The following LASP1 variants were observed in gnomAD, a reference collection of about 807,000 sequenced individuals.
LASP1 encodes the protein LIM and SH3 domain protein 1.
A neutral mutation model predicts 38.6 loss-of-function variants in LASP1; 10 were observed. That is an observed-to-expected ratio of 0.26 (90% CI 0.16 to 0.44). The LOEUF is 0.44. Among genes scored for constraint, LASP1 ranks in the 20% least tolerant of loss-of-function variants. LASP1 has a pLI of 1.00. For synonymous variants in LASP1, 132 were observed against 140.8 expected (o/e 0.94, Z 0.44); for missense variants, 243 against 375.7 (o/e 0.65, Z 2.92).
chr17:38,897,684 T>A (rs1413536888), intron 3 of LASP1, among the ~76,000 whole-genome samples: 1 of 152,174 alleles, frequency 6.6e-6, no homozygotes, highest in Non-Finnish European at 1.5e-5. Context: ...TGAGATGCTG[T>A]CTGACCCCCG....
intron 3 of LASP1, among the ~76,000 whole-genome samples, chr17:38,891,170 C>T (rs1478663095): frequency 6.7e-6 from 1 of 149,490 alleles, no homozygotes; most frequent in Admixed American, 6.6e-5. Context: ...TGCGAGGGCT[C>T]CTGGGACAAA....
At chr17:38,914,039 G>A in intron 4 of LASP1, among the ~76,000 whole-genome samples, 1 of 151,802 alleles carries the variant, frequency 6.6e-6, no homozygotes. Flanking sequence ...ACTCACTTTG[G>A]TCTGATTCTT....
intron 4 of LASP1, among the ~76,000 whole-genome samples, chr17:38,912,829 G>T (rs1914994338): frequency 2.0e-5 from 3 of 152,206 alleles, no homozygotes; most frequent in Non-Finnish European, 4.4e-5. Flanking sequence ...TTGGCTAAGA[G>T]GACTGAGCTG....
intron 5 of LASP1, 175 bp from the exon 6 acceptor site, chr17:38,914,868 G>T: frequency 6.3e-6 from 4 of 638,584 alleles, no homozygotes. Context: ...CAGAGCCCCT[G>T]CGTGGGATAC....
chr17:38,899,932 G>T (rs995803422), intron 4 of LASP1, among the ~76,000 whole-genome samples: 5 of 151,782 alleles, frequency 3.3e-5, no homozygotes, highest in African/African-American at 1.2e-4. Flanking sequence ...GTTTCACCAT[G>T]TTGGCCAGGC....
chr17:38,906,798 A>C (rs80062095), intron 4 of LASP1, among the ~76,000 whole-genome samples: 1,592 of 152,262 alleles, frequency 0.01, 26 homozygotes, highest in African/African-American at 0.036. Context: ...GTCATCCTGG[A>C]GTCCCAGCTA....
At chr17:38,878,355 T>G (rs1913843982) in intron 2 of LASP1, among the ~76,000 whole-genome samples, 175 bp downstream of exon 2, 1 of 152,176 alleles carries the variant, frequency 6.6e-6, no homozygotes, top group Admixed American at 6.5e-5. Flanking sequence ...TTTATCCCCA[T>G]TTAAAGTGCT....
intron 2 of LASP1, among the ~76,000 whole-genome samples, chr17:38,883,013 TG>T (rs1467261364): frequency 6.6e-6 from 1 of 152,088 alleles, no homozygotes; most frequent in East Asian, 1.9e-4. Flanking sequence ...AGGCATCAGA[TG>T]GGAGTAGGGT....
At chr17:38,897,700 T>C (rs1214766922) in intron 3 of LASP1, among the ~76,000 whole-genome samples, 1 of 152,152 alleles carries the variant, frequency 6.6e-6, no homozygotes, top group Admixed American at 6.5e-5. Context: ...CCCCGCTGCT[T>C]TCCTCCCCTC....
At chr17:38,899,085 G>A (rs1474566074) in intron 4 of LASP1, 1 of 319,860 alleles carries the variant, frequency 3.1e-6, no homozygotes, top group African/African-American at 2.2e-5. Flanking sequence ...CATGGAGAGT[G>A]GGCAGGGGAT....
At chr17:38,877,992 G>C in intron 1 of LASP1, 94 bp from the exon 2 acceptor site, 1 of 899,422 alleles carries the variant, frequency 1.1e-6, no homozygotes. Context: ...GCCTAGGACA[G>C]TCCCAGCAGC....
At chr17:38,899,747 C>CTTTTTTT (rs34397105) in intron 4 of LASP1, among the ~76,000 whole-genome samples, 2 of 136,132 alleles carry the variant, frequency 1.5e-5, no homozygotes. Context: ...GCGTTCAGAT[C>CTTTTTTT]TTTTTTTTTT....
chr17:38,918,958 C>A lies in LASP1; in HGVS notation c.*180C>A. The A allele has an allele frequency of 1.5e-6, 1 of 682,254 alleles. No individual in the cohort carries two copies. The highest frequency in any genetic ancestry group is 2.4e-6 in the Non-Finnish European group (1 of 408,490). 42.3% of individuals were successfully genotyped at this position (682,254 alleles called of 1,614,324 possible). ...CTTCTGCCACTTCTGCGGGCTCCCTCCTCTGGCAGGCTTCCCCCTTGATCG... is the reference window on the plus strand; with the variant it reads ...CTTCTGCCACTTCTGCGGGCTCCCTACTCTGGCAGGCTTCCCCCTTGATCG... On this transcript the variant is annotated 3_prime_UTR_variant, in exon 7 of 7. Transcript: ENST00000318008. This position sits in a 1 kb window ranked among gnomAD's most constrained non-coding sequence, Gnocchi z 4.4.
chr17:38,885,455 C>A (rs2143754529), intron 2 of LASP1, among the ~76,000 whole-genome samples: 1 of 152,334 alleles, frequency 6.6e-6, no homozygotes, highest in South Asian at 2.1e-4. Flanking sequence ...TCCTGCCCCG[C>A]TTCTTCCTGT....
At chr17:38,885,326 A>G (rs1234324895) in intron 2 of LASP1, among the ~76,000 whole-genome samples, 2 of 152,208 alleles carry the variant, frequency 1.3e-5, no homozygotes, top group Non-Finnish European at 2.9e-5. Context: ...TTGAGAGAGA[A>G]TGTGCACAGG....
In LASP1 at chr17:38,918,997, C is replaced by G; in HGVS notation, c.*219C>G. The G allele has an allele frequency of 1.7e-6, 1 of 602,248 alleles. No homozygotes were observed. The highest frequency in any genetic ancestry group is 3.0e-5 in the Admixed American group (1 of 33,028). The allele number at this position is 602,248 out of a possible 1,614,324, so 37.3% of individuals were successfully genotyped here. On this transcript the variant is annotated 3_prime_UTR_variant, in exon 7 of 7. Transcript: ENST00000318008. This position sits in a 1 kb window ranked among gnomAD's most constrained non-coding sequence, Gnocchi z 4.4. ...CCCCCTTGATCGACTTCTTGGTTTTCTCTCTGGATGGAACGGGCATGGGCC... is the reference window on the plus strand; with the variant it reads ...CCCCCTTGATCGACTTCTTGGTTTTGTCTCTGGATGGAACGGGCATGGGCC...
chr17:38,872,182 T>C (rs1188993915), intron 1 of LASP1, among the ~76,000 whole-genome samples: 1 of 152,204 alleles, frequency 6.6e-6, no homozygotes, highest in East Asian at 1.9e-4. Context: ...ATGGGTATGA[T>C]GATGTCATTT....
chr17:38,895,003 G>A, intron 3 of LASP1, among the ~76,000 whole-genome samples: 1 of 152,030 alleles, frequency 6.6e-6, no homozygotes, highest in African/African-American at 2.4e-5. Flanking sequence ...CTCCCAAAGT[G>A]CTGGGATTAC....
intron 4 of LASP1, among the ~76,000 whole-genome samples, chr17:38,900,067 C>T (rs1165688666): frequency 6.6e-6 from 1 of 151,532 alleles, no homozygotes; most frequent in Non-Finnish European, 1.5e-5. Flanking sequence ...GTTGCAGGCC[C>T]CTATACACCC....
Sources: allele counts gnomAD v4.1 joint callset (sites outside exome capture counted in the v4.1 genomes callset), GRCh38; gene constraint gnomAD v4.1.1; non-coding constraint Gnocchi (gnomAD v3.1); transcripts MANE v1.5; gene names NCBI Gene and HGNC (gene_info 2026-07-23, HGNC 2026-07-21).